RFPL3: variants seen among roughly 807,000 people sequenced by gnomAD.
The protein encoded by RFPL3 is ret finger protein like 3.
In RFPL3, 8 loss-of-function variants were observed where a neutral mutation model predicts 8.7. The observed-to-expected ratio is 0.92, with a 90% CI of 0.54 to 1.66. The LOEUF is 1.66. RFPL3 is among the 40% of genes most tolerant of loss of function. The pLI is 0.00. For synonymous variants in RFPL3, 145 were observed against 150.5 expected (o/e 0.96, Z 0.27); for missense variants, 341 against 395.0 (o/e 0.86, Z 1.16).
intron 1 of RFPL3, chr22:32,359,954 G>C (rs1932761150): frequency 2.4e-6 from 1 of 419,560 alleles, no homozygotes; most frequent in South Asian, 4.5e-5. Flanking sequence ...GGTAGAAAGG[G>C]GGGCATGGTG....
chr22:32,357,111 A>G (rs1292528952), upstream of RFPL3: 2 of 264,474 alleles, frequency 7.6e-6, no homozygotes, highest in Non-Finnish European at 1.5e-5. Context: ...GACATGGTCC[A>G]CAGTGTCTCA....
chr22:32,355,535 A>C (rs1323240387), upstream of RFPL3, among the ~76,000 whole-genome samples: 2 of 152,124 alleles, frequency 1.3e-5, no homozygotes, highest in African/African-American at 2.4e-5. Flanking sequence ...TTCTGTGCCA[A>C]GTACCTGACA....
chr22:32,358,265 A>G lies in RFPL3; in HGVS notation c.194A>G (p.Asn65Ser), dbSNP rs201647469. The change falls in exon 1 of 2, where the codon AAT becomes AGT. Residue 65 changes from asparagine (N) to serine (S), a missense_variant. By Grantham distance (46) the Asn-to-Ser change is conservative. Coordinates refer to ENST00000249007, the MANE Select transcript of RFPL3 (RefSeq NM_001098535.1). ...TGCACCGTCTGCCTCAAGTGCATCA[A>G]TTCGCTGCAGAAGGAGCCCCATGGG... ...CGCTVCLKCINSLQKEPHGED... is the reference protein window; with the variant it reads ...CGCTVCLKCISSLQKEPHGED... 111 of 1,613,850 alleles carry G rather than the reference A, an allele frequency of 6.9e-5. No individual in the cohort carries two copies. The highest frequency in any genetic ancestry group is 9.1e-5 in the Non-Finnish European group (107 of 1,179,880).
At position 32,361,061 on chromosome 22, in the gene RFPL3, T is replaced by C. The variant is rs1464667568; in HGVS notation, c.*229T>C. On this transcript the variant is annotated 3_prime_UTR_variant, in exon 2 of 2. Coordinates refer to ENST00000249007, the MANE Select transcript of RFPL3 (RefSeq NM_001098535.1). ...TTGTTTCCTATAGAAATGTTCTGTA[T>C]TCTCGGATCAATTTCCAAATGCTTT... is the stretch of plus-strand genomic sequence containing the variant. 2.4e-6 allele frequency: 1 copy of C among 409,082 alleles called. No homozygotes were observed. Among genetic ancestry groups the C allele is most frequent in the Non-Finnish European group, 4.2e-6 (1 of 236,824 alleles). 25.3% of individuals were successfully genotyped at this position (409,082 alleles called of 1,614,324 possible).
Position 32,360,586 on chromosome 22 carries a change from C to T in RFPL3, c.708C>T (p.Leu236=), listed in dbSNP as rs566397437. 2.5e-6 allele frequency: 4 copies of T among 1,613,834 alleles called. No individual in the cohort carries two copies. In the East Asian group the frequency reaches 8.9e-5, roughly 36 times the overall value. Residue 236 remains leucine, a synonymous_variant, in exon 2 of 2, where the codon CTC becomes CTT. Coordinates refer to ENST00000249007, the MANE Select transcript of RFPL3 (RefSeq NM_001098535.1). ...LSASTVPLTF[L]LVDRKLQRVG... ...CCAGCACGGTGCCGCTGACTTTCCT[C>T]TTAGTAGACCGCAAGTTACAGCGAG...
At position 32,358,243 on chromosome 22, in the gene RFPL3, A is replaced by G. The variant is rs57676160; in HGVS notation, c.172A>G (p.Thr58Ala). 115,201 of 1,613,490 alleles carry G rather than the reference A, an allele frequency of 0.071. 8,393 individuals carry two copies. The highest frequency in any genetic ancestry group is 0.47 in the East Asian group (21,215 of 44,840). The change falls in exon 1 of 2, where the codon ACC becomes GCC. Residue 58 changes from threonine (T) to alanine (A), a missense_variant. Coordinates refer to ENST00000249007, the MANE Select transcript of RFPL3 (RefSeq NM_001098535.1). ...ACCAATGTCCCTGGAGTGTGGATGC[A>G]CCGTCTGCCTCAAGTGCATCAATTC... Reference protein sequence around the residue: ...EKPMSLECGCTVCLKCINSLQ... With the variant: ...EKPMSLECGCAVCLKCINSLQ...
At chr22:32,354,978 T>C (rs1303466646), upstream of RFPL3, 1 of 152,284 alleles carries the variant, frequency 6.6e-6, no homozygotes, top group Non-Finnish European at 1.5e-5. Flanking sequence ...CAGACTCCAG[T>C]GTGCTCAGGA....
rs780099364 is a variant in RFPL3 at position 32,358,097 on chromosome 22, C to G, written c.26C>G (p.Thr9Ser). The change falls in exon 1 of 2, where the codon ACT becomes AGT. Residue 9 changes from threonine to serine, a missense_variant. Coordinates refer to ENST00000249007, the MANE Select transcript of RFPL3 (RefSeq NM_001098535.1). Reference protein sequence around the residue: MKRLSLVTTNRLSPQGNFL... With the variant: MKRLSLVTSNRLSPQGNFL... ...ATGAAAAGGTTGTCACTTGTCACAA[C>G]TAACAGGCTTTCACCTCAAGGAAAT... 6.8e-6 allele frequency: 11 copies of G among 1,613,672 alleles called. No individual in the cohort carries two copies. Among genetic ancestry groups the G allele is most frequent in the Non-Finnish European group, 9.3e-6 (11 of 1,179,720 alleles).
chr22:32,355,341 C>T (rs971361015), upstream of RFPL3, among the ~76,000 whole-genome samples: 8 of 152,124 alleles, frequency 5.3e-5, no homozygotes, highest in Admixed American at 3.9e-4. Context: ...AGTCTCAGTT[C>T]CAGGCTCTTC....
At position 32,358,116 on chromosome 22, in the gene RFPL3, A is replaced by T. The variant is rs58637580; in HGVS notation, c.45A>T (p.Gln15His). ...SLVTTNRLSP[Q>H]GNFLPLCTFP... ...TCACAACTAACAGGCTTTCACCTCAAGGAAATTTTCTTCCCTTGTGTACTT... is the reference window on the plus strand; with the variant it reads ...TCACAACTAACAGGCTTTCACCTCATGGAAATTTTCTTCCCTTGTGTACTT... The change falls in exon 1 of 2, where the codon CAA (glutamine) becomes CAT (histidine). Residue 15 changes from glutamine to histidine, a missense_variant. Transcript: ENST00000249007. The T allele has an allele frequency of 3.1e-3, 4,951 of 1,613,866 alleles. 133 individuals carry two copies. In the African/African-American group the frequency reaches 0.058, roughly 19 times the overall value.
rs150519201 is a variant in RFPL3 at position 32,357,995 on chromosome 22, T to TG, written c.-71dup. The TG allele has an allele frequency of 6.5e-7, 1 of 1,540,586 alleles. No homozygotes were observed. The highest frequency in any genetic ancestry group is 8.8e-7 in the Non-Finnish European group (1 of 1,137,658). On this transcript the variant is annotated 5_prime_UTR_variant, in exon 1 of 2. Coordinates refer to ENST00000249007, the MANE Select transcript of RFPL3 (RefSeq NM_001098535.1). ...ACTTCAAATCTCTGAGGACGGGGGG[T>TG]GGGGGGATGTGCTTGAGTGTTTGTA...
rs1932768083 is a variant in RFPL3, at chr22:32,360,382, C to T, written c.504C>T (p.Cys168=). The T allele has an allele frequency of 6.2e-7, 1 of 1,613,964 alleles. No individual in the cohort carries two copies. The highest frequency in any genetic ancestry group is 1.1e-5 in the South Asian group (1 of 91,080). The change falls in exon 2 of 2, where the codon TGC becomes TGT. Residue 168 remains cysteine, a synonymous_variant. Transcript: ENST00000249007. ...CCGAGAGATTTGACGTGTCCGTTTG[C>T]ATCCTGGGCTCCCCTCGCTTTACCT... is the stretch of plus-strand genomic sequence containing the variant. ...DLAERFDVSV[C]ILGSPRFTCG...
upstream of RFPL3, chr22:32,357,008 G>A (rs534482419): frequency 4.3e-6 from 2 of 460,274 alleles, no homozygotes; most frequent in East Asian, 1.3e-4. Context: ...GCGAGCGGCA[G>A]GAGGTCAGCA....
upstream of RFPL3, chr22:32,356,841 G>A (rs1932684071): frequency 2.3e-6 from 1 of 435,392 alleles, no homozygotes; most frequent in Non-Finnish European, 4.6e-6. Context: ...CGTACCCTGG[G>A]TGACAGGGGT....
intron 1 of RFPL3, among the ~76,000 whole-genome samples, chr22:32,359,461 G>A (rs1462725860): frequency 6.6e-6 from 1 of 151,356 alleles, no homozygotes; most frequent in Admixed American, 6.6e-5. Context: ...ATTTTCTCTA[G>A]GCCAGATCAC....
At chr22:32,359,567 C>A (rs1269204304) in intron 1 of RFPL3, among the ~76,000 whole-genome samples, 1 of 152,142 alleles carries the variant, frequency 6.6e-6, no homozygotes, top group Non-Finnish European at 1.5e-5. Context: ...TTATTCTCTA[C>A]AATCAGTCAG....
upstream of RFPL3, among the ~76,000 whole-genome samples, chr22:32,355,832 C>G (rs1371712679): frequency 6.6e-6 from 1 of 150,596 alleles, no homozygotes; most frequent in Admixed American, 6.6e-5. Flanking sequence ...GGCTTCAACA[C>G]TGAGAAAACC....
In RFPL3 at chr22:32,358,152, A is replaced by C. The variant is rs1569430629; in HGVS notation, c.81A>C (p.Ala27=). The change falls in exon 1 of 2, where the codon GCA becomes GCC. Residue 27 remains alanine (A), a synonymous_variant. Coordinates refer to ENST00000249007, the MANE Select transcript of RFPL3 (RefSeq NM_001098535.1). ...NFLPLCTFPL[A]VDMAALFQEA... The stretch of plus-strand genomic sequence containing the variant: ...TTCCCTTGTGTACTTTTCCCCTGGC[A>C]GTGGACATGGCTGCACTCTTCCAAG... 2 of 1,613,992 alleles carry C rather than the reference A, an allele frequency of 1.2e-6. No individual in the cohort carries two copies. Among genetic ancestry groups the C allele is most frequent in the Admixed American group, 1.7e-5 (1 of 60,022 alleles).
Position 32,358,246 on chromosome 22 carries a change from G to A in RFPL3, c.175G>A (p.Val59Ile), listed in dbSNP as rs138730142. Residue 59 changes from valine to isoleucine, a missense_variant, in exon 1 of 2, where the codon GTC (valine) becomes ATC (isoleucine). By Grantham distance (29) the Val-to-Ile change is conservative. Transcript: ENST00000249007. ...KPMSLECGCT[V>I]CLKCINSLQK... ...AATGTCCCTGGAGTGTGGATGCACC[G>A]TCTGCCTCAAGTGCATCAATTCGCT... 92 of 1,613,796 alleles carry A rather than the reference G, an allele frequency of 5.7e-5. No homozygotes were observed. Among genetic ancestry groups the A allele is most frequent in the Middle Eastern group, 1.6e-4 (1 of 6,078 alleles).
Sources: allele counts gnomAD v4.1 joint callset (sites outside exome capture counted in the v4.1 genomes callset), GRCh38; gene constraint gnomAD v4.1.1; transcripts MANE v1.5; gene names NCBI Gene and HGNC (gene_info 2026-07-23, HGNC 2026-07-21).